Variants in ACSM3 observed in about 807,000 individuals in gnomAD.
ACSM3 encodes acyl-CoA synthetase medium chain family member 3, also known as acyl-coenzyme A synthetase ACSM3, mitochondrial.
ACSM3 carries 61 observed loss-of-function variants against 74.1 expected under a neutral mutation model. The ratio of observed to expected loss-of-function variants is 0.82; its 90% CI spans 0.67 to 1.02. The LOEUF (loss-of-function observed/expected upper bound fraction) is 1.02, where lower values mean the gene tolerates loss of function less well. Among genes scored for constraint, ACSM3 ranks in the 50% least tolerant of loss-of-function variants. The pLI, the probability that ACSM3 is intolerant of heterozygous loss-of-function variation, is 0.00. For missense variants in ACSM3, 660 were observed against 697.0 expected, an observed-to-expected ratio of 0.95 and a Z score of 0.60; for synonymous variants, 213 against 241.5, an observed-to-expected ratio of 0.88 and a Z score of 1.09.
intron 1 of ACSM3, chr16:20,685,226 A>G: frequency 6.2e-7 from 1 of 1,613,978 alleles, no homozygotes; most frequent in South Asian, 1.1e-5. Flanking sequence ...ACCAGCCACC[A>G]CTCAGGAACT....
chr16:20,688,535 A>G (rs2079594578), intron 1 of ACSM3, among the ~76,000 whole-genome samples: 1 of 152,182 alleles, frequency 6.6e-6, no homozygotes, highest in South Asian at 2.1e-4. Flanking sequence ...GCAAGAGAAA[A>G]GCAACTCATG....
At chr16:20,727,517 C>G in intron 1 of ACSM3, 1 of 329,206 alleles carries the variant, frequency 3.0e-6, no homozygotes, top group East Asian at 9.9e-5. Flanking sequence ...GGCCTTTCTG[C>G]CCCAGGATTT....
chr16:20,785,406 T>C (rs1422197436), intron 8 of ACSM3, among the ~76,000 whole-genome samples: 1 of 152,198 alleles, frequency 6.6e-6, no homozygotes, highest in East Asian at 1.9e-4. Flanking sequence ...CCCAGTGTGA[T>C]AGGGAAGTAT....
intron 1 of ACSM3, chr16:20,737,101 G>A (rs768847117): frequency 1.9e-6 from 3 of 1,613,994 alleles, no homozygotes; most frequent in Admixed American, 3.3e-5. Flanking sequence ...CCATTTCCCT[G>A]CTTTGAGTTA....
At position 20,736,977 on chromosome 16, in the gene ACSM3, G is replaced by A. The variant is rs150883000; in HGVS notation, c.-189-12933G>A. On this transcript the variant is annotated intron_variant, in intron 1 of 3. Coordinates refer to the ACSM3 transcript ENST00000561584. ...CTCATTTACCACCTGTGGATTAGAC[G>A]TTGGTTTTGTCTGCCCCAGCTCCTC... 1.3e-4 allele frequency: 207 copies of A among 1,614,064 alleles called. No individual in the cohort carries two copies. The African/African-American group carries it at 1.5e-3, about 11-fold the overall frequency.
At chr16:20,690,018 G>A (rs957434557) in intron 1 of ACSM3, among the ~76,000 whole-genome samples, 1 of 152,320 alleles carries the variant, frequency 6.6e-6, no homozygotes, top group African/African-American at 2.4e-5. Context: ...TAAATGCAAG[G>A]TGATTGCCAA....
intron 12 of ACSM3, among the ~76,000 whole-genome samples, chr16:20,792,954 T>C (rs1215896869): frequency 1.3e-5 from 2 of 152,222 alleles, no homozygotes; most frequent in Non-Finnish European, 2.9e-5. Flanking sequence ...CCCTAGGGTT[T>C]CTCTAGCTGA....
chr16:20,691,587 CT>C (rs2079652537), intron 1 of ACSM3, among the ~76,000 whole-genome samples: 1 of 152,118 alleles, frequency 6.6e-6, no homozygotes, highest in Non-Finnish European at 1.5e-5. Flanking sequence ...AGTGTCTTTA[CT>C]TTAGAAACTT....
intron 1 of ACSM3, chr16:20,766,570 A>T (rs2080128118): frequency 6.6e-6 from 1 of 152,190 alleles, no homozygotes. Flanking sequence ...AAAATTTTTT[A>T]AAACACTTAG....
At chr16:20,722,595 T>C (rs1293781926) in intron 1 of ACSM3, among the ~76,000 whole-genome samples, 2 of 152,224 alleles carry the variant, frequency 1.3e-5, no homozygotes, top group Non-Finnish European at 2.9e-5. Context: ...AAAACTGATA[T>C]ATTTCATAGA....
chr16:20,779,077 G>A (rs1018648245), intron 4 of ACSM3, among the ~76,000 whole-genome samples: 7 of 152,062 alleles, frequency 4.6e-5, no homozygotes, highest in Admixed American at 4.6e-4. Context: ...AATTAATTAA[G>A]ATAATTATGA....
chr16:20,766,474 A>T (rs1481961537), intron 1 of ACSM3: 2 of 152,146 alleles, frequency 1.3e-5, no homozygotes, highest in African/African-American at 4.8e-5. Context: ...ATAATAAATA[A>T]CTGCAAAGTG....
chr16:20,742,051 T>C, intron 1 of ACSM3: 2 of 1,381,012 alleles, frequency 1.4e-6, no homozygotes, highest in South Asian at 2.9e-5. Context: ...TCCAGCCATA[T>C]AGCTTCTTCC....
intron 2 of ACSM3, among the ~76,000 whole-genome samples, chr16:20,750,992 A>C (rs1248091303): frequency 6.6e-6 from 1 of 151,974 alleles, no homozygotes; most frequent in Admixed American, 6.6e-5. Flanking sequence ...TTACAGGCTC[A>C]CACCACCATG....
At chr16:20,712,092 T>G (rs1326503369) in intron 1 of ACSM3, among the ~76,000 whole-genome samples, 2 of 152,154 alleles carry the variant, frequency 1.3e-5, no homozygotes, top group Non-Finnish European at 2.9e-5. Context: ...AGTGAACTTC[T>G]CCTTGACCAC....
intron 2 of ACSM3, among the ~76,000 whole-genome samples, chr16:20,753,858 GAAGA>G (rs944700500): frequency 1.8e-4 from 25 of 137,898 alleles, no homozygotes; most frequent in African/African-American, 6.5e-4. Flanking sequence ...GAAATGAAAA[GAAGA>G]AAGAGAAAGA....
At chr16:20,760,799 CT>C (rs1179209267), upstream of ACSM3, among the ~76,000 whole-genome samples, 2 of 152,216 alleles carry the variant, frequency 1.3e-5, no homozygotes, top group African/African-American at 4.8e-5. Context: ...TTAATTCCTT[CT>C]TCATCTTTAC....
chr16:20,738,907 T>C (rs1405280028), intron 1 of ACSM3: 2 of 1,614,138 alleles, frequency 1.2e-6, no homozygotes, highest in Admixed American at 1.7e-5. Context: ...CTATCCCAAG[T>C]GTCCTGATGA....
intron 1 of ACSM3, chr16:20,711,687 AT>A: frequency 3.6e-6 from 2 of 549,608 alleles, no homozygotes; most frequent in Non-Finnish European, 3.3e-6. Context: ...TTCAGTGAGT[AT>A]TTTTCCCAGC....
Sources: gnomAD v4.1 joint callset for allele counts (sites outside exome capture counted in the v4.1 genomes callset) on GRCh38, gnomAD v4.1.1 for gene constraint, MANE v1.5 for transcripts, NCBI Gene and HGNC (gene_info 2026-07-23, HGNC 2026-07-21) for gene names.